Variants in BRWD1 observed in about 807,000 individuals in gnomAD.
The protein encoded by BRWD1 is bromodomain and WD repeat-containing protein 1.
BRWD1 carries 82 observed loss-of-function variants against 251.2 expected under a neutral mutation model. The ratio of observed to expected loss-of-function variants is 0.33; its 90% CI spans 0.27 to 0.39. The LOEUF (loss-of-function observed/expected upper bound fraction) is 0.39. Among genes scored for constraint, BRWD1 ranks in the 10% least tolerant of loss-of-function variants. The pLI, the probability that BRWD1 is intolerant of heterozygous loss-of-function variation, is 1.00. For synonymous variants in BRWD1, 918 were observed against 902.8 expected (o/e 1.02, Z -0.30); for missense variants, 2,233 against 2,711.6 (o/e 0.82, Z 3.92).
chr21:39,219,064 G>A (rs1442459352), intron 29 of BRWD1, among the ~76,000 whole-genome samples: 5 of 151,914 alleles, frequency 3.3e-5, no homozygotes, highest in Non-Finnish European at 7.4e-5. Flanking sequence ...AATCCCACAT[G>A]ACAAATGGCT....
At chr21:39,317,828 A>G (rs150622068), upstream of BRWD1, among the ~76,000 whole-genome samples, 98 of 152,318 alleles carry the variant, frequency 6.4e-4, 1 homozygote, top group African/African-American at 2.3e-3. Flanking sequence ...AGGCAGGAGG[A>G]CCGCATGAGC....
chr21:39,305,984 T>C (rs1441052088), intron 4 of BRWD1, among the ~76,000 whole-genome samples: 1 of 151,666 alleles, frequency 6.6e-6, no homozygotes, highest in Non-Finnish European at 1.5e-5. Context: ...CAGTGAGCCA[T>C]TCATTATTGG....
In BRWD1 at chr21:39,199,227, C is replaced by T. The variant is rs138383027; in HGVS notation, c.5189G>A (p.Arg1730Gln). 1 of 1,614,132 alleles carries T rather than the reference C, an allele frequency of 6.2e-7. No homozygotes were observed. Residue 1730 changes from arginine to glutamine, a missense_variant, in exon 40 of 41, where the codon CGG becomes CAG. This residue lies in a region of BRWD1 where 928 missense variants were observed against 970.0 expected (regional missense o/e 0.96). Coordinates refer to ENST00000342449, the MANE Select transcript of BRWD1 (RefSeq NM_033656.4). ...GTAACCATTAGCATGCCAATTTTTC[C>T]GGGCTACCCGCAAATCACTTTCTGA... Reference protein sequence around the residue: ...SESESDLRVARKNWHANGYKS... With the variant: ...SESESDLRVAQKNWHANGYKS...
Position 39,269,906 on chromosome 21 carries a change from AAAT to A in BRWD1, c.1520_1522del (p.Tyr507del). On this transcript the variant is annotated inframe_deletion, in exon 15 of 41. Transcript: ENST00000342449. ...ACATCTCACTTCACTTACCATATTAAAATAATGTTTCATCTTGGTACCTTTTGT... is the reference window on the plus strand; with the variant it reads ...ACATCTCACTTCACTTACCATATTAAAATGTTTCATCTTGGTACCTTTTGT... 1 of 1,520,508 alleles carries A rather than the reference AAAT, an allele frequency of 6.6e-7. No individual in the cohort carries two copies. The highest frequency in any genetic ancestry group is 1.4e-5 in the South Asian group (1 of 73,810). The allele number at this position is 1,520,508 out of a possible 1,614,324, so 94.2% of individuals were successfully genotyped here. A position where few individuals can be genotyped will look rare whatever the true frequency, so the allele number is the denominator to read the frequency against.
chr21:39,187,600 T>G lies in BRWD1; in HGVS notation c.*8659A>C. The stretch of plus-strand genomic sequence containing the variant: ...ACATTGATATAACCTTACATTTGCT[T>G]ATCTACAACTATAAGGATGTCACTT... On this transcript the variant is annotated 3_prime_UTR_variant, in exon 41 of 41. Transcript: ENST00000342449. 2 of 985,168 alleles carry G rather than the reference T, an allele frequency of 2.0e-6. No homozygotes were observed. The highest frequency in any genetic ancestry group is 2.4e-6 in the Non-Finnish European group (2 of 829,680). 61.0% of individuals were successfully genotyped at this position (985,168 alleles called of 1,614,324 possible).
In BRWD1 at chr21:39,229,397, C is replaced by T. The variant is rs201665354; in HGVS notation, c.3040G>A (p.Val1014Ile). ...LVKIVGIRYE[V>I]GPPTLCCLKL... ...AGGCAACAGAGTGTAGGGGGCCCAA[C>T]TTCATATCGTATTCCAACTATTTTA... Residue 1014 changes from valine (V) to isoleucine (I), a missense_variant, in exon 26 of 41, where the codon GTT becomes ATT. By Grantham distance (29) the Val-to-Ile change is conservative. Around this residue, in one of 12 missense-constraint regions of BRWD1, gnomAD observed 139 missense variants for 272.8 expected, o/e 0.51. Transcript: ENST00000342449. The T allele has an allele frequency of 2.5e-6, 4 of 1,610,370 alleles. No individual in the cohort carries two copies. The highest frequency in any genetic ancestry group is 3.4e-6 in the Non-Finnish European group (4 of 1,177,056).
chr21:39,274,466 T>G lies in BRWD1; in HGVS notation c.1152A>C (p.Leu384=). Residue 384 remains leucine (L), a synonymous_variant, in exon 13 of 41, where the codon CTA becomes CTC. Coordinates refer to ENST00000342449, the MANE Select transcript of BRWD1 (RefSeq NM_033656.4). ...GTGCTGTTCCATCTCTGCTACCACT[T>G]AGGAACCTTAAAACATTCAGAACAG... ...IQFCNNGDRF[L]SGSRDGTARI... The G allele has an allele frequency of 1.2e-6, 2 of 1,613,134 alleles. No homozygotes were observed. The highest frequency in any genetic ancestry group is 8.5e-7 in the Non-Finnish European group (1 of 1,179,262).
At chr21:39,283,860 CTTTT>C (rs960714100) in intron 8 of BRWD1, among the ~76,000 whole-genome samples, 13 of 151,504 alleles carry the variant, frequency 8.6e-5, no homozygotes, top group African/African-American at 2.7e-4. Flanking sequence ...AATAGTCTTG[CTTTT>C]TTTTTCTAAG....
chr21:39,210,991 TG>T (rs2032631474), intron 34 of BRWD1, 62 bp from the exon 35 acceptor site: 1 of 1,485,350 alleles, frequency 6.7e-7, no homozygotes, highest in South Asian at 1.3e-5. Flanking sequence ...GTGGTAAAAA[TG>T]TAACTGATCT....
Position 39,192,289 on chromosome 21 carries a change from G to A in BRWD1, c.*3970C>T. On this transcript the variant is annotated 3_prime_UTR_variant, in exon 41 of 41. Coordinates refer to ENST00000342449, the MANE Select transcript of BRWD1 (RefSeq NM_033656.4). ...TTTCAATCCTTACTATTCACAGTTTGAGCTAGGAATTAACATTTGCTAATC... is the reference window on the plus strand; with the variant it reads ...TTTCAATCCTTACTATTCACAGTTTAAGCTAGGAATTAACATTTGCTAATC... 1 of 985,150 alleles carries A rather than the reference G, an allele frequency of 1.0e-6. No homozygotes were observed. The highest frequency in any genetic ancestry group is 1.2e-6 in the Non-Finnish European group (1 of 829,814). The allele number at this position is 985,150 out of a possible 1,614,324, so 61.0% of individuals were successfully genotyped here.
In BRWD1 at chr21:39,185,594, CT is replaced by C. The variant is rs2031187207; in HGVS notation, c.*10664del. On this transcript the variant is annotated 3_prime_UTR_variant, in exon 41 of 41. Coordinates refer to ENST00000342449, the MANE Select transcript of BRWD1 (RefSeq NM_033656.4). ...CTACAAAAGGAGCAAAGGACACAGA[CT>C]TAGTAGGTTAGAATATTCTGGCTTA... 6.6e-6 allele frequency: 1 copy of C among 151,834 alleles called. No individual in the cohort carries two copies. 9.4% of individuals were successfully genotyped at this position (151,834 alleles called of 1,614,324 possible).
At chr21:39,310,559 A>G (rs1180839954) in intron 4 of BRWD1, among the ~76,000 whole-genome samples, 1 of 152,176 alleles carries the variant, frequency 6.6e-6, no homozygotes, top group African/African-American at 2.4e-5. Flanking sequence ...CCCAGGAGGC[A>G]GAGGTTGCAG....
intron 17 of BRWD1, among the ~76,000 whole-genome samples, chr21:39,259,073 C>T (rs998304924): frequency 3.9e-5 from 6 of 152,050 alleles, no homozygotes; most frequent in African/African-American, 1.4e-4. Flanking sequence ...GAGAAAAATC[C>T]CTGAGATTTA....
At chr21:39,309,885 G>C (rs974931105) in intron 4 of BRWD1, among the ~76,000 whole-genome samples, 1 of 150,968 alleles carries the variant, frequency 6.6e-6, no homozygotes, top group East Asian at 1.9e-4. Context: ...TATGGACTCT[G>C]TGATATTGGC....
intron 20 of BRWD1, among the ~76,000 whole-genome samples, chr21:39,249,954 GTGTA>G (rs2034339903): frequency 3.5e-5 from 5 of 142,340 alleles, no homozygotes; most frequent in South Asian, 2.3e-4. Context: ...GTGTGTGTGT[GTGTA>G]TACACACACA....
intron 29 of BRWD1, among the ~76,000 whole-genome samples, chr21:39,222,215 A>G (rs1396799021): frequency 6.6e-6 from 1 of 152,174 alleles, no homozygotes; most frequent in Non-Finnish European, 1.5e-5. Context: ...ACCCAAAAGA[A>G]AAAAAAACTT....
Position 39,193,473 on chromosome 21 carries a change from A to T in BRWD1, c.*2786T>A. The stretch of plus-strand genomic sequence containing the variant: ...ACTCATCTATCTTGTCAATGTTTGA[A>T]ATCATTTTTCCTTTATATGCTTGGT... On this transcript the variant is annotated 3_prime_UTR_variant, in exon 41 of 41. Transcript: ENST00000342449. 1.0e-6 allele frequency: 1 copy of T among 985,206 alleles called. No individual in the cohort carries two copies. The highest frequency in any genetic ancestry group is 1.2e-6 in the Non-Finnish European group (1 of 829,686). The allele number at this position is 985,206 out of a possible 1,614,324, so 61.0% of individuals were successfully genotyped here.
At chr21:39,232,116 T>G in intron 25 of BRWD1, 61 bp downstream of exon 25, 2 of 1,237,780 alleles carry the variant, frequency 1.6e-6, no homozygotes, top group Non-Finnish European at 2.3e-6. Flanking sequence ...AATAGATTTG[T>G]AAGTAATTTA....
In BRWD1 at chr21:39,193,876, A is replaced by C; in HGVS notation, c.*2383T>G. ...TTAATTTTCCTTAAAGGTACTTAGG[A>C]GTGTGTGTGTCACATATTCAAAGTT... On this transcript the variant is annotated 3_prime_UTR_variant, in exon 41 of 41. Coordinates refer to ENST00000342449, the MANE Select transcript of BRWD1 (RefSeq NM_033656.4). The C allele has an allele frequency of 2.0e-6, 2 of 985,460 alleles. No homozygotes were observed. Among genetic ancestry groups the C allele is most frequent in the Non-Finnish European group, 2.4e-6 (2 of 829,622 alleles). 61.0% of individuals were successfully genotyped at this position (985,460 alleles called of 1,614,324 possible).
Sources: allele counts gnomAD v4.1 joint callset (sites outside exome capture counted in the v4.1 genomes callset), GRCh38; gene constraint gnomAD v4.1.1; regional missense constraint gnomAD v4.1.1; transcripts MANE v1.5; gene names NCBI Gene and HGNC (gene_info 2026-07-23, HGNC 2026-07-21).